SFMBT2: variants seen among roughly 807,000 people sequenced by gnomAD.
SFMBT2 encodes the protein scm-like with four MBT domains protein 2.
A neutral mutation model predicts 110.1 loss-of-function variants in SFMBT2; 38 were observed. That is an observed-to-expected ratio of 0.35 (90% CI 0.27 to 0.45). SFMBT2 has a LOEUF of 0.45. Ranked by LOEUF, SFMBT2 falls within the 20% of genes least tolerant of loss-of-function variation. The pLI is 1.00. For synonymous variants in SFMBT2, 425 were observed against 425.4 expected (o/e 1.00, Z 0.01); for missense variants, 1,011 against 1,094.9 (o/e 0.92, Z 1.08).
At chr10:7,244,943 T>C (rs1331198866) in intron 8 of SFMBT2, among the ~76,000 whole-genome samples, 1 of 152,160 alleles carries the variant, frequency 6.6e-6, no homozygotes, top group East Asian at 1.9e-4. Flanking sequence ...GAGAATCTCA[T>C]CCTCCCACCA....
At chr10:7,169,646 G>C (rs1837810976) in intron 20 of SFMBT2, among the ~76,000 whole-genome samples, 1 of 152,012 alleles carries the variant, frequency 6.6e-6, no homozygotes. Context: ...TTTACACCAG[G>C]ACAACGCAAG....
chr10:7,327,680 CAAAAA>C (rs780856995), intron 4 of SFMBT2, among the ~76,000 whole-genome samples: 1 of 99,134 alleles, frequency 1.0e-5, no homozygotes. Flanking sequence ...GACTCTAACT[CAAAAA>C]AAAAAAAAAA....
At chr10:7,243,381 G>T in intron 9 of SFMBT2, among the ~76,000 whole-genome samples, 177 bp downstream of exon 9, 1 of 152,178 alleles carries the variant, frequency 6.6e-6, no homozygotes, top group Non-Finnish European at 1.5e-5. Context: ...CACTCGCCTC[G>T]CCAGGGGATG....
At chr10:7,176,203 C>G in intron 16 of SFMBT2, 38 bp from the exon 17 acceptor site, 1 of 1,603,596 alleles carries the variant, frequency 6.2e-7, no homozygotes, top group Non-Finnish European at 8.5e-7. Context: ...AGGGCAAGAC[C>G]AGATTATGAT....
chr10:7,355,952 T>C (rs1844495313), intron 4 of SFMBT2, among the ~76,000 whole-genome samples: 1 of 152,254 alleles, frequency 6.6e-6, no homozygotes, highest in Non-Finnish European at 1.5e-5. Flanking sequence ...TTTATTATAT[T>C]TGTGCTTTCT....
intron 4 of SFMBT2, among the ~76,000 whole-genome samples, chr10:7,298,120 T>C (rs1011806624): frequency 3.3e-5 from 5 of 152,214 alleles, no homozygotes; most frequent in Admixed American, 3.3e-4. Flanking sequence ...TGCTAGATTT[T>C]TGGATCAGAA....
intron 1 of SFMBT2, among the ~76,000 whole-genome samples, chr10:7,390,166 G>T (rs1202159279): frequency 2.0e-5 from 3 of 152,214 alleles, no homozygotes; most frequent in East Asian, 1.9e-4. Flanking sequence ...TACTGTTGAG[G>T]ACCTGAATTT....
chr10:7,349,550 C>T (rs1844243889), intron 4 of SFMBT2, among the ~76,000 whole-genome samples: 1 of 147,008 alleles, frequency 6.8e-6, no homozygotes, highest in Non-Finnish European at 1.5e-5. Flanking sequence ...CTCCACCTCC[C>T]AGGTTCATGC....
chr10:7,322,457 C>T (rs80022649), intron 4 of SFMBT2, among the ~76,000 whole-genome samples: 2,110 of 152,232 alleles, frequency 0.014, 47 homozygotes, highest in African/African-American at 0.046. Context: ...TGAAAAAGGG[C>T]GCTCCCAGCT....
intron 4 of SFMBT2, among the ~76,000 whole-genome samples, chr10:7,306,419 G>A (rs1193699555): frequency 3.9e-5 from 6 of 152,138 alleles, no homozygotes; most frequent in Non-Finnish European, 7.4e-5. Flanking sequence ...GCACAGCCAC[G>A]TCATTCATTT....
At chr10:7,250,776 T>A (rs555080731) in intron 7 of SFMBT2, among the ~76,000 whole-genome samples, 1 of 152,358 alleles carries the variant, frequency 6.6e-6, no homozygotes. Context: ...ACAGCCATTC[T>A]TACTGGTGTG....
intron 11 of SFMBT2, among the ~76,000 whole-genome samples, chr10:7,216,178 C>T (rs1044710773): frequency 2.6e-5 from 4 of 152,234 alleles, no homozygotes; most frequent in Non-Finnish European, 4.4e-5. Context: ...GTGACTGCAG[C>T]CGACCCCGCT....
chr10:7,203,088 A>G (rs1296240076), intron 12 of SFMBT2: 1 of 985,338 alleles, frequency 1.0e-6, no homozygotes, highest in Non-Finnish European at 1.2e-6. Context: ...GATTCAGATC[A>G]CCTTAACAAA....
rs1478074333 is a variant in SFMBT2 at position 7,161,000 on chromosome 10, TC to T, written c.*2769del. ...CAGGCTGCGCCCTCCTGTGCAGTGG[TC>T]CCAGCCATCTCCTCCCTGGCACGTG... On this transcript the variant is annotated 3_prime_UTR_variant, in exon 21 of 21. Coordinates refer to ENST00000397167, the MANE Select transcript of SFMBT2 (RefSeq NM_001387889.1). 1 of 152,226 alleles carries T rather than the reference TC, an allele frequency of 6.6e-6. No individual in the cohort carries two copies. The highest frequency in any genetic ancestry group is 1.5e-5 in the Non-Finnish European group (1 of 68,078). 9.4% of individuals were successfully genotyped at this position (152,226 alleles called of 1,614,324 possible).
At chr10:7,296,533 A>AT (rs1842411718) in intron 4 of SFMBT2, among the ~76,000 whole-genome samples, 2 of 152,152 alleles carry the variant, frequency 1.3e-5, no homozygotes, top group African/African-American at 4.8e-5. Flanking sequence ...TTCCATTCAA[A>AT]TTTTTCCCAA....
At chr10:7,260,957 A>AT (rs1841178084) in intron 7 of SFMBT2, among the ~76,000 whole-genome samples, 1 of 150,300 alleles carries the variant, frequency 6.7e-6, no homozygotes, top group South Asian at 2.1e-4. Context: ...ACAAAGAAAC[A>AT]TTAAAAAAAA....
At chr10:7,360,583 A>T (rs1347161735) in intron 4 of SFMBT2, among the ~76,000 whole-genome samples, 1 of 152,242 alleles carries the variant, frequency 6.6e-6, no homozygotes, top group African/African-American at 2.4e-5. Flanking sequence ...TTTACTCATA[A>T]ACAAAGAGTT....
intron 10 of SFMBT2, among the ~76,000 whole-genome samples, chr10:7,227,249 T>C (rs1839923820): frequency 6.6e-6 from 1 of 152,124 alleles, no homozygotes; most frequent in Admixed American, 6.5e-5. Context: ...GAGCAAAGAC[T>C]CTCCTATCAG....
intron 16 of SFMBT2, among the ~76,000 whole-genome samples, chr10:7,181,660 T>C (rs1337547065): frequency 6.6e-6 from 1 of 152,240 alleles, no homozygotes; most frequent in East Asian, 1.9e-4. Flanking sequence ...TGAGTACACA[T>C]GGACACATCC....
Sources: gnomAD v4.1 joint callset for allele counts (sites outside exome capture counted in the v4.1 genomes callset) on GRCh38, gnomAD v4.1.1 for gene constraint, MANE v1.5 for transcripts, NCBI Gene and HGNC (gene_info 2026-07-23, HGNC 2026-07-21) for gene names.